Variants in RREB1 observed in about 807,000 individuals in gnomAD.
RREB1 encodes ras responsive element binding protein 1.
In RREB1, 27 loss-of-function variants were observed where a neutral mutation model predicts 117.8. The observed-to-expected ratio is 0.23, with a 90% CI of 0.17 to 0.32. The LOEUF (loss-of-function observed/expected upper bound fraction) is 0.32. Among genes scored for constraint, RREB1 ranks in the 10% least tolerant of loss-of-function variants. RREB1 has a pLI of 1.00. For missense variants in RREB1, 2,577 were observed against 2,378.2 expected (o/e 1.08, Z -1.74); for synonymous variants, 1,298 against 1,026.7 (o/e 1.26, Z -5.05).
intron 1 of RREB1, among the ~76,000 whole-genome samples, chr6:7,142,753 T>C (rs1762669663): frequency 6.6e-6 from 1 of 152,256 alleles, no homozygotes; most frequent in Non-Finnish European, 1.5e-5. Flanking sequence ...GACCCTAGAA[T>C]GAGTTCAGTG....
At chr6:7,200,395 G>C (rs1012921592) in intron 6 of RREB1, among the ~76,000 whole-genome samples, 1 of 151,340 alleles carries the variant, frequency 6.6e-6, no homozygotes, top group African/African-American at 2.4e-5. Context: ...TCAGCCTCCC[G>C]AGTAGCTGGG....
chr6:7,173,662 AT>A (rs1764344646), intron 1 of RREB1, among the ~76,000 whole-genome samples: 1 of 152,082 alleles, frequency 6.6e-6, no homozygotes, highest in Admixed American at 6.5e-5. Context: ...AAATGCAAAA[AT>A]TAAAGTTAGC....
intron 6 of RREB1, among the ~76,000 whole-genome samples, chr6:7,203,164 C>T (rs1581532392): frequency 1.3e-5 from 2 of 152,196 alleles, no homozygotes; most frequent in Non-Finnish European, 2.9e-5. Context: ...TCTCTACCCC[C>T]TACTGGATCT....
At position 7,246,682 on chromosome 6, in the gene RREB1, C is replaced by T. The variant is rs1402364439; in HGVS notation, c.4232C>T (p.Ser1411Leu). The T allele has an allele frequency of 1.9e-6, 3 of 1,583,182 alleles. No individual in the cohort carries two copies. Among genetic ancestry groups the T allele is most frequent in the Admixed American group, 3.6e-5 (2 of 55,860 alleles). Reference protein sequence around the residue: ...GDADGAEEDASSNQSLDLDFA... With the variant: ...GDADGAEEDALSNQSLDLDFA... ...GCCGACGGCGCGGAAGAGGACGCGT[C>T]GAGCAACCAGAGCCTGGACCTGGAC... Residue 1411 changes from serine (S) to leucine (L), a missense_variant, in exon 12 of 13, where the codon TCG (serine) becomes TTG (leucine). Transcript: ENST00000379938.
chr6:7,112,701 A>G (rs1375114845), intron 1 of RREB1, among the ~76,000 whole-genome samples: 2 of 152,390 alleles, frequency 1.3e-5, no homozygotes, highest in South Asian at 2.1e-4. Flanking sequence ...AAGGCAGAAT[A>G]CAGAAAAGAA....
At chr6:7,225,796 C>T (rs1767549586) in intron 8 of RREB1, among the ~76,000 whole-genome samples, 1 of 152,020 alleles carries the variant, frequency 6.6e-6, no homozygotes, top group Non-Finnish European at 1.5e-5. Context: ...TTTTTGATCA[C>T]CGGTGTTCAT....
chr6:7,180,993 A>G (rs1448653572), intron 2 of RREB1, 131 bp from the exon 3 acceptor site: 1 of 391,844 alleles, frequency 2.6e-6, no homozygotes, highest in Non-Finnish European at 4.5e-6. Flanking sequence ...AGAAAGGCAG[A>G]CATTGCCTCT....
rs920145872 is a variant in RREB1 at position 7,168,949 on chromosome 6, A to G, written c.-284-7706A>G. 5.1e-4 allele frequency among the ~76,000 whole-genome samples: 77 copies of G among 152,224 alleles called. 2 individuals are homozygous for G. The highest frequency in any genetic ancestry group is 1.8e-3 in the African/African-American group (74 of 41,466). On this transcript the variant is annotated intron_variant, in intron 1 of 12. Coordinates refer to ENST00000379938, the MANE Select transcript of RREB1 (RefSeq NM_001003699.4). ...CAAGATGTGGGGGAGGATTAAATAT[A>G]TGTAAAGTGCCTAGCATATTTCTAG...
chr6:7,200,984 G>C (rs763404694), intron 6 of RREB1, among the ~76,000 whole-genome samples: 1 of 152,168 alleles, frequency 6.6e-6, no homozygotes, highest in Middle Eastern at 3.2e-3. Flanking sequence ...CAGTCTTACC[G>C]GGTAAAACTG....
chr6:7,237,952 C>CGCCA (rs1768446629), intron 10 of RREB1, among the ~76,000 whole-genome samples: 1 of 152,206 alleles, frequency 6.6e-6, no homozygotes, highest in Admixed American at 6.5e-5. Context: ...GTCAGCCTGG[C>CGCCA]AGTCCTAACC....
intron 1 of RREB1, among the ~76,000 whole-genome samples, chr6:7,129,947 T>C (rs1159620075): frequency 6.6e-6 from 1 of 152,136 alleles, no homozygotes; most frequent in Non-Finnish European, 1.5e-5. Context: ...TTTCCAGCAG[T>C]CTGTTGAGTG....
Position 7,230,565 on chromosome 6 carries a change from G to A in RREB1, c.2466G>A (p.Glu822=). The A allele has an allele frequency of 1.2e-6, 2 of 1,602,056 alleles. No individual in the cohort carries two copies. Among genetic ancestry groups the A allele is most frequent in the Non-Finnish European group, 1.7e-6 (2 of 1,176,546 alleles). The change falls in exon 10 of 13, where the codon GAG becomes GAA. Residue 822 remains glutamate (E), a synonymous_variant. Transcript: ENST00000379938. The part of the protein sequence containing the change: ...QHLHVPEQDI[E]SYVLAADGLG... ...TGCACGTGCCCGAGCAGGACATCGA[G>A]AGCTACGTGCTGGCCGCCGACGGCC...
rs115644204 is a variant in RREB1, at chr6:7,192,933, C to T, written c.425+3611C>T. ...ACAGGCTTTTATAGCTATCCATTTT[C>T]GTATAAGCATTGCTTTAGTTGTTTC... On this transcript the variant is annotated intron_variant, in intron 6 of 12. Transcript: ENST00000379938. 2.8e-3 allele frequency among the ~76,000 whole-genome samples: 423 copies of T among 152,252 alleles called. 3 individuals carry two copies. Among genetic ancestry groups the T allele is most frequent in the African/African-American group, 9.5e-3 (394 of 41,566 alleles).
chr6:7,190,763 C>T (rs905712663), intron 6 of RREB1, among the ~76,000 whole-genome samples: 7 of 150,600 alleles, frequency 4.6e-5, no homozygotes, highest in Non-Finnish European at 5.9e-5. Context: ...TAGGTCTGCT[C>T]GTTCTACACC....
At chr6:7,182,137 G>A (rs9505063) in intron 4 of RREB1, 55 bp downstream of exon 4, 74,519 of 1,446,020 alleles carry the variant, frequency 0.052, 2,051 homozygotes, top group Non-Finnish European at 0.054. Context: ...TGAGAACATT[G>A]GGAGATGTTT....
chr6:7,108,550 C>A (rs922819720), intron 1 of RREB1: 1 of 152,360 alleles, frequency 6.6e-6, no homozygotes, highest in African/African-American at 2.4e-5. Context: ...CCAGAAACAT[C>A]TTCCCAGCGC....
At chr6:7,113,312 T>A (rs1448230070) in intron 1 of RREB1, among the ~76,000 whole-genome samples, 1 of 152,216 alleles carries the variant, frequency 6.6e-6, no homozygotes, top group Non-Finnish European at 1.5e-5. Context: ...ATGCTCTATT[T>A]GTTTTTCTCT....
chr6:7,174,898 C>A (rs912045032), intron 1 of RREB1, among the ~76,000 whole-genome samples: 1 of 152,046 alleles, frequency 6.6e-6, no homozygotes, highest in Non-Finnish European at 1.5e-5. Context: ...TGTGAGCCAC[C>A]GCGCCTGGCC....
At chr6:7,181,839 C>A in intron 3 of RREB1, 31 bp from the exon 4 acceptor site, 1 of 1,515,570 alleles carries the variant, frequency 6.6e-7, no homozygotes, top group Non-Finnish European at 9.2e-7. Context: ...TAAACTTCCC[C>A]ATGATCACAT....
Sources: allele counts gnomAD v4.1 joint callset (sites outside exome capture counted in the v4.1 genomes callset), GRCh38; gene constraint gnomAD v4.1.1; transcripts MANE v1.5; gene names NCBI Gene and HGNC (gene_info 2026-07-23, HGNC 2026-07-21).